TECPR2: variants seen among roughly 807,000 people sequenced by gnomAD.
TECPR2 encodes tectonin beta-propeller repeat-containing protein 2.
A neutral mutation model predicts 138.1 loss-of-function variants in TECPR2; 65 were observed. The ratio of observed to expected loss-of-function variants is 0.47; its 90% CI spans 0.39 to 0.58. TECPR2 has a LOEUF of 0.58. Ranked by LOEUF, TECPR2 falls within the 20% of genes least tolerant of loss-of-function variation. TECPR2 has a pLI of 0.00. For missense variants in TECPR2, 1,553 were observed against 1,824.5 expected (o/e 0.85, Z 2.71); for synonymous variants, 746 against 749.8 (o/e 0.99, Z 0.08).
chr14:102,460,880 A>G (rs1266308824), intron 16 of TECPR2, among the ~76,000 whole-genome samples: 1 of 151,794 alleles, frequency 6.6e-6, no homozygotes, highest in South Asian at 2.1e-4. Context: ...TATTTTTAGT[A>G]GAGATGGGGC....
intron 9 of TECPR2, among the ~76,000 whole-genome samples, chr14:102,435,916 G>A (rs1391911126): frequency 6.6e-6 from 1 of 152,158 alleles, no homozygotes; most frequent in African/African-American, 2.4e-5. Flanking sequence ...GTCTTGCCCT[G>A]TCTCCTACTA....
chr14:102,432,202 CTGAG>C (rs902567559), intron 8 of TECPR2, 74 bp downstream of exon 8: 3 of 1,374,234 alleles, frequency 2.2e-6, no homozygotes, highest in East Asian at 2.5e-5. Flanking sequence ...CTGCTGCTCA[CTGAG>C]TGAGCAATGC....
At chr14:102,363,904 G>A (rs540546081) in intron 1 of TECPR2, among the ~76,000 whole-genome samples, 124 of 152,320 alleles carry the variant, frequency 8.1e-4, no homozygotes, top group African/African-American at 2.8e-3. Context: ...GCTAGCCTGC[G>A]TTCTCGCCCT....
At chr14:102,432,323 T>A (rs1300267234) in intron 8 of TECPR2, among the ~76,000 whole-genome samples, 195 bp downstream of exon 8, 3 of 137,480 alleles carry the variant, frequency 2.2e-5, no homozygotes, top group African/African-American at 2.7e-5. Context: ...ACACACACAC[T>A]GTAAGGTCTA....
intron 17 of TECPR2, among the ~76,000 whole-genome samples, chr14:102,486,267 A>G (rs1891024133): frequency 6.6e-6 from 1 of 152,134 alleles, no homozygotes; most frequent in Non-Finnish European, 1.5e-5. Context: ...GAAGTTTCCA[A>G]ATGTTTTTTA....
intron 2 of TECPR2, among the ~76,000 whole-genome samples, chr14:102,398,072 CA>C (rs560266373): frequency 0.014 from 662 of 45,776 alleles, no homozygotes; most frequent in African/African-American, 0.032. Flanking sequence ...GATTCTGTCT[CA>C]AAAAAAAAAA....
In TECPR2 at chr14:102,431,803, T is replaced by A. The variant is rs146320923; in HGVS notation, c.1092T>A (p.Asp364Glu). ...CAGACTCTTCTTTCTTAGTGAGAGATGGTCTGGAGATGTCTGGATGCTCAG... is the reference window on the plus strand; with the variant it reads ...CAGACTCTTCTTTCTTAGTGAGAGAAGGTCTGGAGATGTCTGGATGCTCAG... ...RPEGLTSTVRDGLEMSGCSER... is the reference protein window; with the variant it reads ...RPEGLTSTVREGLEMSGCSER... The change falls in exon 8 of 20, where the codon GAT becomes GAA. Residue 364 changes from aspartate to glutamate, a missense_variant. Transcript: ENST00000359520. 1.3e-6 allele frequency: 2 copies of A among 1,555,486 alleles called. No individual in the cohort carries two copies. The highest frequency in any genetic ancestry group is 2.7e-5 in the African/African-American group (2 of 73,030).
Position 102,376,765 on chromosome 14 carries a change from C to T in TECPR2, c.44C>T (p.Pro15Leu), listed in dbSNP as rs1887648321. 4 of 1,614,056 alleles carry T rather than the reference C, an allele frequency of 2.5e-6. No individual in the cohort carries two copies. Among genetic ancestry groups the T allele is most frequent in the South Asian group, 2.2e-5 (2 of 91,082 alleles). The change falls in exon 2 of 20, where the codon CCG becomes CTG. Residue 15 changes from proline to leucine, a missense_variant. Pro to Leu is a moderately conservative substitution (Grantham distance 98). Coordinates refer to ENST00000359520, the MANE Select transcript of TECPR2 (RefSeq NM_014844.5). ...CCTGTTACATTCAGAGAGTTCTGCC[C>T]GTTGTACTATCTCCTCAATGCCATT... ...SEPVTFREFC[P>L]LYYLLNAIPT...
At position 102,499,273 on chromosome 14, in the gene TECPR2, C is replaced by T. The variant is rs751869468; in HGVS notation, c.*1016C>T. The stretch of plus-strand genomic sequence containing the variant: ...TTTAACTAATGCTGCTGGCGGACAT[C>T]CTAAAACCAGATGCATCCTCAGAGG... On this transcript the variant is annotated 3_prime_UTR_variant, in exon 20 of 20. Transcript: ENST00000359520. 1.5e-6 allele frequency: 1 copy of T among 648,260 alleles called. No individual in the cohort carries two copies. The highest frequency in any genetic ancestry group is 1.7e-5 in the South Asian group (1 of 59,212). The allele number at this position is 648,260 out of a possible 1,614,324, so 40.2% of individuals were successfully genotyped here.
At chr14:102,430,123 C>T (rs1889428371) in intron 7 of TECPR2, among the ~76,000 whole-genome samples, 1 of 152,056 alleles carries the variant, frequency 6.6e-6, no homozygotes, top group African/African-American at 2.4e-5. Context: ...TGCACCACCA[C>T]ACCAGGCTAA....
At chr14:102,427,474 C>G (rs1446622883) in intron 6 of TECPR2, among the ~76,000 whole-genome samples, 2 of 152,152 alleles carry the variant, frequency 1.3e-5, no homozygotes, top group African/African-American at 4.8e-5. Context: ...TGCAGCAGTC[C>G]ATCAGTTATT....
At chr14:102,397,340 A>G (rs571409606) in intron 2 of TECPR2, among the ~76,000 whole-genome samples, 2 of 152,318 alleles carry the variant, frequency 1.3e-5, no homozygotes, top group African/African-American at 4.8e-5. Flanking sequence ...ACAAAGAAAC[A>G]GGAAAGTATG....
At chr14:102,461,621 T>C (rs1056783384) in intron 16 of TECPR2, among the ~76,000 whole-genome samples, 1 of 152,182 alleles carries the variant, frequency 6.6e-6, no homozygotes, top group Non-Finnish European at 1.5e-5. Context: ...GCCCCAGATA[T>C]CAGCGACTTC....
At chr14:102,407,191 A>G (rs1888681246) in intron 2 of TECPR2, 147 bp from the exon 3 acceptor site, 1 of 1,067,192 alleles carries the variant, frequency 9.4e-7, no homozygotes, top group Non-Finnish European at 1.3e-6. Context: ...CAACAGATGT[A>G]ATTTCTGACT....
chr14:102,363,156 A>G, intron 1 of TECPR2, 40 bp downstream of exon 1: 1 of 335,820 alleles, frequency 3.0e-6, no homozygotes, highest in African/African-American at 2.2e-5. Context: ...GACGCCCCCG[A>G]CGCCCCCGAC....
At chr14:102,400,073 T>G (rs1888435232) in intron 2 of TECPR2, among the ~76,000 whole-genome samples, 1 of 150,196 alleles carries the variant, frequency 6.7e-6, no homozygotes, top group Non-Finnish European at 1.5e-5. Flanking sequence ...TTAGATGGTG[T>G]CTTGCTCTGT....
At chr14:102,373,624 A>G (rs1887565802) in intron 1 of TECPR2, among the ~76,000 whole-genome samples, 2 of 152,360 alleles carry the variant, frequency 1.3e-5, no homozygotes, top group Admixed American at 6.5e-5. Context: ...CTGTAAAAAC[A>G]TTAGCTATTC....
intron 1 of TECPR2, among the ~76,000 whole-genome samples, chr14:102,374,899 G>A (rs1359591047): frequency 6.6e-6 from 1 of 152,156 alleles, no homozygotes; most frequent in East Asian, 1.9e-4. Context: ...GATGTGCCTA[G>A]CCCTTTTCTC....
chr14:102,392,867 C>T (rs892158170), intron 2 of TECPR2, among the ~76,000 whole-genome samples: 1 of 152,186 alleles, frequency 6.6e-6, no homozygotes, highest in African/African-American at 2.4e-5. Flanking sequence ...AGAATAAATT[C>T]AAACTCTGAT....
Sources: gnomAD v4.1 joint callset for allele counts (sites outside exome capture counted in the v4.1 genomes callset) on GRCh38, gnomAD v4.1.1 for gene constraint, MANE v1.5 for transcripts, NCBI Gene and HGNC (gene_info 2026-07-23, HGNC 2026-07-21) for gene names.